PRKCB: variants seen among roughly 807,000 people sequenced by gnomAD.
PRKCB encodes the protein protein kinase C beta type.
A neutral mutation model predicts 81.5 loss-of-function variants in PRKCB; 13 were observed. That is an observed-to-expected ratio of 0.16 (90% CI 0.10 to 0.25). The LOEUF is 0.25. Ranked by LOEUF, PRKCB falls within the 10% of genes least tolerant of loss-of-function variation. The probability of loss-of-function intolerance (pLI) is 1.00; values close to 1 mark genes in which losing one functional copy is unlikely to be tolerated. For missense variants in PRKCB, 509 were observed against 875.7 expected, an observed-to-expected ratio of 0.58 and a Z score of 5.29; for synonymous variants, 335 against 321.4, an observed-to-expected ratio of 1.04 and a Z score of -0.45.
intron 5 of PRKCB, among the ~76,000 whole-genome samples, chr16:24,088,021 G>A (rs1217607164): frequency 6.6e-6 from 1 of 152,182 alleles, no homozygotes; most frequent in African/African-American, 2.4e-5. Context: ...ATCTGGGCTG[G>A]CTGAGTTTCA....
intron 2 of PRKCB, among the ~76,000 whole-genome samples, chr16:23,870,161 A>G (rs902540347): frequency 6.6e-6 from 1 of 152,254 alleles, no homozygotes; most frequent in Non-Finnish European, 1.5e-5. Context: ...TGTTCAAAAC[A>G]TACAAGCACC....
At chr16:23,942,400 T>G (rs1207309989) in intron 2 of PRKCB, among the ~76,000 whole-genome samples, 1 of 152,248 alleles carries the variant, frequency 6.6e-6, no homozygotes, top group Non-Finnish European at 1.5e-5. Flanking sequence ...ATGTTTAGCA[T>G]TTGCACAGTT....
intron 2 of PRKCB, among the ~76,000 whole-genome samples, chr16:23,958,238 C>T (rs1964376288): frequency 6.6e-6 from 1 of 152,142 alleles, no homozygotes; most frequent in African/African-American, 2.4e-5. Context: ...GTGATCTGCC[C>T]ACCTTGGCCT....
intron 2 of PRKCB, among the ~76,000 whole-genome samples, chr16:23,910,607 A>T (rs1489127390): frequency 6.6e-6 from 1 of 152,200 alleles, no homozygotes; most frequent in Non-Finnish European, 1.5e-5. Context: ...TTAGAGTTAT[A>T]TTCAGAGATA....
intron 3 of PRKCB, among the ~76,000 whole-genome samples, chr16:24,021,169 C>T (rs552328983): frequency 3.4e-4 from 46 of 136,610 alleles, no homozygotes; most frequent in African/African-American, 1.2e-3. Context: ...CTCCCTCTCT[C>T]CCTCCCTTCC....
At chr16:24,021,079 C>CTTTCTTTT (rs1965373843) in intron 3 of PRKCB, among the ~76,000 whole-genome samples, 1 of 130,284 alleles carries the variant, frequency 7.7e-6, no homozygotes, top group African/African-American at 2.9e-5. Context: ...TCCCTTCTTT[C>CTTTCTTTT]TTTCTTTCTT....
chr16:23,931,196 G>A (rs1963969344), intron 2 of PRKCB, among the ~76,000 whole-genome samples: 2 of 152,190 alleles, frequency 1.3e-5, no homozygotes, highest in African/African-American at 4.8e-5. Flanking sequence ...GTTAGCCCCA[G>A]GAGCTAACCA....
intron 5 of PRKCB, among the ~76,000 whole-genome samples, chr16:24,057,877 A>G (rs1448744740): frequency 6.6e-6 from 1 of 152,028 alleles, no homozygotes; most frequent in Non-Finnish European, 1.5e-5. Flanking sequence ...TCCACTCTTC[A>G]CACCCAGCCA....
intron 3 of PRKCB, among the ~76,000 whole-genome samples, chr16:23,992,781 G>T (rs763691103): frequency 3.9e-5 from 6 of 152,184 alleles, no homozygotes; most frequent in African/African-American, 9.7e-5. Context: ...CAGGGTGTCT[G>T]CTCTAAAAGC....
intron 2 of PRKCB, among the ~76,000 whole-genome samples, chr16:23,920,620 C>T (rs913306991): frequency 2.0e-5 from 3 of 152,166 alleles, no homozygotes; most frequent in East Asian, 1.9e-4. Context: ...ACCCAGCTTT[C>T]CTGTCAGGCG....
At chr16:24,195,858 T>A (rs1437759430) in intron 16 of PRKCB, among the ~76,000 whole-genome samples, 3 of 152,176 alleles carry the variant, frequency 2.0e-5, no homozygotes, top group Admixed American at 6.5e-5. Flanking sequence ...AGAACAGCAT[T>A]CCTGGGCTTC....
intron 3 of PRKCB, among the ~76,000 whole-genome samples, chr16:24,021,108 C>CTTTCTTTCTTTCTTTCTTTCTTTCTTTTT (rs1965377890): frequency 1.4e-5 from 1 of 71,142 alleles, no homozygotes. Context: ...TCTTTCTTTC[C>CTTTCTTTCTTTCTTTCTTTCTTTCTTTTT]TTCTCTCTCT....
At chr16:24,156,547 T>A (rs1003264580) in intron 10 of PRKCB, among the ~76,000 whole-genome samples, 1 of 152,200 alleles carries the variant, frequency 6.6e-6, no homozygotes, top group Admixed American at 6.5e-5. Context: ...GGTGCTGGGA[T>A]TACAGGCATG....
chr16:24,217,336 A>C lies in PRKCB; in HGVS notation c.*2520A>C. The C allele has an allele frequency of 1.0e-6, 1 of 985,430 alleles. No homozygotes were observed. Among genetic ancestry groups the C allele is most frequent in the Non-Finnish European group, 1.2e-6 (1 of 829,938 alleles). 61.0% of individuals were successfully genotyped at this position (985,430 alleles called of 1,614,324 possible). A position where few individuals can be genotyped will look rare whatever the true frequency, so the allele number is the denominator to read the frequency against. On this transcript the variant is annotated 3_prime_UTR_variant, in exon 17 of 17. Transcript: ENST00000643927. ...CAGAATTTCTACCACTTCCTTTTCT[A>C]TCCACATTTCCAGTGCAGAAGAAAC...
intron 3 of PRKCB, among the ~76,000 whole-genome samples, chr16:24,021,591 A>T (rs1267893746): frequency 6.6e-6 from 1 of 151,884 alleles, no homozygotes; most frequent in African/African-American, 2.4e-5. Flanking sequence ...CCCCCGTGTT[A>T]GGTGGGAGAC....
intron 10 of PRKCB, among the ~76,000 whole-genome samples, chr16:24,156,151 A>T (rs1260141405): frequency 2.0e-5 from 3 of 152,186 alleles, no homozygotes; most frequent in South Asian, 2.1e-4. Context: ...CCCTTCACCT[A>T]TTACTTAGTT....
At chr16:23,929,950 G>A (rs997408529) in intron 2 of PRKCB, among the ~76,000 whole-genome samples, 1 of 151,794 alleles carries the variant, frequency 6.6e-6, no homozygotes, top group Non-Finnish European at 1.5e-5. Flanking sequence ...CTTCCCCCGG[G>A]ACCCCCGAAA....
chr16:23,909,243 C>CT (rs200911945), intron 2 of PRKCB, among the ~76,000 whole-genome samples: 2,017 of 152,308 alleles, frequency 0.013, 25 homozygotes, highest in Non-Finnish European at 0.021. Context: ...CACCCTCCTG[C>CT]TTTTTATCAG....
At chr16:23,901,969 T>A (rs1349584660) in intron 2 of PRKCB, among the ~76,000 whole-genome samples, 1 of 152,168 alleles carries the variant, frequency 6.6e-6, no homozygotes, top group Admixed American at 6.5e-5. Flanking sequence ...TGGTACCTGG[T>A]ACACAGTAGG....
Sources: gnomAD v4.1 joint callset for allele counts (sites outside exome capture counted in the v4.1 genomes callset) on GRCh38, gnomAD v4.1.1 for gene constraint, MANE v1.5 for transcripts, NCBI Gene and HGNC (gene_info 2026-07-23, HGNC 2026-07-21) for gene names.